Variants in ZFAND3 observed in about 807,000 individuals in gnomAD.
ZFAND3 encodes the protein zinc finger AN1-type containing 3.
Under a neutral mutation model 29.6 loss-of-function variants are expected in ZFAND3, and 10 were observed. That is an observed-to-expected ratio of 0.34 (90% confidence interval 0.21 to 0.57). ZFAND3 has a LOEUF of 0.57. Ranked by LOEUF, ZFAND3 falls within the 20% of genes least tolerant of loss-of-function variation. ZFAND3 has a pLI of 0.86. For missense variants in ZFAND3, 230 were observed against 304.5 expected, an observed-to-expected ratio of 0.76 and a Z score of 1.82; for synonymous variants, 128 against 112.6, an observed-to-expected ratio of 1.14 and a Z score of -0.87.
intron 5 of ZFAND3, among the ~76,000 whole-genome samples, chr6:38,141,231 A>G (rs1435906852): frequency 6.6e-6 from 1 of 152,262 alleles, no homozygotes; most frequent in African/African-American, 2.4e-5. Context: ...GATTGTTTGC[A>G]GAATGTCTAC....
intron 2 of ZFAND3, among the ~76,000 whole-genome samples, chr6:37,941,984 A>G (rs912749052): frequency 6.6e-6 from 1 of 152,160 alleles, no homozygotes; most frequent in Non-Finnish European, 1.5e-5. Context: ...TCCATATTAC[A>G]ATCTAATTCC....
At chr6:38,030,051 GATATATATATATAT>G (rs58560520) in intron 2 of ZFAND3, among the ~76,000 whole-genome samples, 2,075 of 94,592 alleles carry the variant, frequency 0.022, 64 homozygotes, top group East Asian at 0.12. Flanking sequence ...AGTTCTGCTG[GATATATATATATAT>G]ATATATATAT....
At chr6:37,986,041 A>C (rs1310839583) in intron 2 of ZFAND3, among the ~76,000 whole-genome samples, 1 of 152,244 alleles carries the variant, frequency 6.6e-6, no homozygotes, top group African/African-American at 2.4e-5. Context: ...AAAGGAAAAC[A>C]CAAAAGTAGA....
intron 3 of ZFAND3, among the ~76,000 whole-genome samples, chr6:38,079,450 C>T (rs896305100): frequency 5.9e-5 from 9 of 152,114 alleles, no homozygotes; most frequent in Non-Finnish European, 1.3e-4. Context: ...GAAATGTATT[C>T]ACTAGAAATT....
rs376120749 is a variant in ZFAND3 at position 38,059,301 on chromosome 6, C to T, written c.113-2292C>T. The stretch of plus-strand genomic sequence containing the variant: ...CATTCATGTATCCATAAACAATATG[C>T]GGTATTCTTAACATATTTTAAATTT... On this transcript the variant is annotated intron_variant, in intron 2 of 5. Transcript: ENST00000287218. Among the ~76,000 whole-genome samples the T allele has an allele frequency of 2.4e-4, 36 of 152,204 alleles. No homozygotes were observed. In the East Asian group the frequency reaches 5.2e-3, roughly 22 times the overall value.
At chr6:38,099,806 T>A (rs1231739950) in intron 4 of ZFAND3, among the ~76,000 whole-genome samples, 1 of 152,216 alleles carries the variant, frequency 6.6e-6, no homozygotes, top group Non-Finnish European at 1.5e-5. Flanking sequence ...CTGCTTTTTT[T>A]CTAGAGGAAG....
At chr6:37,908,791 G>GTA in intron 1 of ZFAND3, among the ~76,000 whole-genome samples, 1 of 149,836 alleles carries the variant, frequency 6.7e-6, no homozygotes, top group Middle Eastern at 3.5e-3. Flanking sequence ...TAGAGGTACT[G>GTA]AATGCCAGAT....
At chr6:37,990,872 T>A (rs111530829) in intron 2 of ZFAND3, among the ~76,000 whole-genome samples, 1 of 152,200 alleles carries the variant, frequency 6.6e-6, no homozygotes, top group Non-Finnish European at 1.5e-5. Flanking sequence ...CCATTACAGA[T>A]TCTTAGTCTA....
At chr6:37,985,398 C>T (rs777673522) in intron 2 of ZFAND3, among the ~76,000 whole-genome samples, 15 of 152,082 alleles carry the variant, frequency 9.9e-5, no homozygotes, top group Non-Finnish European at 1.6e-4. Flanking sequence ...GAGGCTGAGG[C>T]GGGCAGATAG....
intron 1 of ZFAND3, among the ~76,000 whole-genome samples, chr6:37,922,723 T>C (rs1230501259): frequency 1.3e-5 from 2 of 152,182 alleles, no homozygotes; most frequent in Non-Finnish European, 2.9e-5. Flanking sequence ...CTGTAGGCAG[T>C]TGTATTTGTG....
intron 4 of ZFAND3, among the ~76,000 whole-genome samples, chr6:38,085,543 T>C (rs775875539): frequency 6.6e-6 from 1 of 152,228 alleles, no homozygotes; most frequent in Non-Finnish European, 1.5e-5. Context: ...CCTTAATTTA[T>C]ATTTTGCAAA....
intron 2 of ZFAND3, among the ~76,000 whole-genome samples, chr6:38,029,946 T>G (rs1262008704): frequency 1.3e-5 from 2 of 151,468 alleles, no homozygotes; most frequent in Non-Finnish European, 2.9e-5. Context: ...TATTCTGTAT[T>G]TAGTGCTTTT....
intron 2 of ZFAND3, among the ~76,000 whole-genome samples, chr6:38,033,759 G>A (rs1763607708): frequency 6.6e-6 from 1 of 152,134 alleles, no homozygotes; most frequent in South Asian, 2.1e-4. Flanking sequence ...CCAAGAAGCA[G>A]GTAGATTTTC....
At chr6:37,866,747 A>T (rs1337223898) in intron 1 of ZFAND3, among the ~76,000 whole-genome samples, 2 of 147,594 alleles carry the variant, frequency 1.4e-5, no homozygotes, top group Admixed American at 1.3e-4. Context: ...TTTCTGTGTC[A>T]CTTAAAGAAA....
At chr6:37,967,971 G>T (rs1247182269) in intron 2 of ZFAND3, among the ~76,000 whole-genome samples, 1 of 152,042 alleles carries the variant, frequency 6.6e-6, no homozygotes, top group African/African-American at 2.4e-5. Flanking sequence ...GCTGCCATAC[G>T]TAAATTGTAA....
At chr6:37,829,951 A>T (rs2127367436) in intron 1 of ZFAND3, among the ~76,000 whole-genome samples, 1 of 152,304 alleles carries the variant, frequency 6.6e-6, no homozygotes, top group East Asian at 1.9e-4. Context: ...AAAAATCCTG[A>T]TCTGTGGAAG....
At chr6:38,022,920 T>C (rs1348779607) in intron 2 of ZFAND3, among the ~76,000 whole-genome samples, 3 of 152,210 alleles carry the variant, frequency 2.0e-5, no homozygotes, top group Admixed American at 2.0e-4. Context: ...TCTTGATGAC[T>C]GTTTTGTTTT....
chr6:37,886,148 G>T (rs1764985180), intron 1 of ZFAND3, among the ~76,000 whole-genome samples: 1 of 147,600 alleles, frequency 6.8e-6, no homozygotes, highest in African/African-American at 2.5e-5. Context: ...TGTGGCAGGA[G>T]AATTGCTTGA....
At chr6:38,054,660 T>C (rs1177589444) in intron 2 of ZFAND3, among the ~76,000 whole-genome samples, 9 of 152,156 alleles carry the variant, frequency 5.9e-5, no homozygotes, top group Non-Finnish European at 1.3e-4. Flanking sequence ...GAAGATAATA[T>C]TCATGAAAGG....
Sources: gnomAD v4.1 joint callset for allele counts (sites outside exome capture counted in the v4.1 genomes callset) on GRCh38, gnomAD v4.1.1 for gene constraint, MANE v1.5 for transcripts, NCBI Gene and HGNC (gene_info 2026-07-23, HGNC 2026-07-21) for gene names.